Variants in FANCE observed in about 807,000 individuals in gnomAD.
FANCE encodes the protein Fanconi anemia group E protein.
Under a neutral mutation model 57.8 loss-of-function variants are expected in FANCE, and 42 were observed. The observed-to-expected ratio is 0.73, with a 90% CI of 0.57 to 0.94. The LOEUF (loss-of-function observed/expected upper bound fraction) is 0.94. Among genes scored for constraint, FANCE ranks in the 40% least tolerant of loss-of-function variants. The pLI is 0.00. For synonymous variants in FANCE, 251 were observed against 286.4 expected (o/e 0.88, Z 1.25); for missense variants, 608 against 661.8 (o/e 0.92, Z 0.89).
chr6:35,460,676 C>T (rs1767555697), intron 8 of FANCE, 58 bp downstream of exon 8: 1 of 1,521,584 alleles, frequency 6.6e-7, no homozygotes, highest in African/African-American at 1.4e-5. Flanking sequence ...CTTGGAAGCA[C>T]ACGGGGTTCC....
rs6457823 is a variant in FANCE at position 35,459,779 on chromosome 6, G to A, written c.1316+19G>A. On this transcript the variant is annotated intron_variant, in intron 7 of 9. Coordinates refer to ENST00000229769, the MANE Select transcript of FANCE (RefSeq NM_021922.3). Reference sequence around the variant, plus strand: ...TGCTGGGGTGAGTGTGCAGGCCTCCGTGCTGTCCCCACTGCCACCTGTTCC... The same window carrying A: ...TGCTGGGGTGAGTGTGCAGGCCTCCATGCTGTCCCCACTGCCACCTGTTCC... 0.075 allele frequency: 120,222 copies of A among 1,609,688 alleles called. 8,800 individuals carry two copies. The highest frequency in any genetic ancestry group is 0.37 in the African/African-American group (27,450 of 74,774).
At chr6:35,459,539 T>TTGGG in intron 6 of FANCE, 85 bp downstream of exon 6, 1 of 1,606,468 alleles carries the variant, frequency 6.2e-7, no homozygotes, top group Admixed American at 1.7e-5. Context: ...CTGGCAGGAG[T>TTGGG]TGGGTATTCA....
At position 35,452,593 on chromosome 6, in the gene FANCE, G is replaced by A. The variant is rs1767149602; in HGVS notation, c.48G>A (p.Pro16=). The A allele has an allele frequency of 7.6e-7, 1 of 1,321,138 alleles. No homozygotes were observed. Among genetic ancestry groups the A allele is most frequent in the African/African-American group, 1.5e-5 (1 of 66,014 alleles). 81.8% of individuals were successfully genotyped at this position (1,321,138 alleles called of 1,614,324 possible). Residue 16 remains proline, a synonymous_variant, in exon 1 of 10, where the codon CCG becomes CCA. Transcript: ENST00000229769. ...TCCCTGGGGCTGAGGGCGTGGAGCC[G>A]GCGCCCTGGGCGCAGCTGGAGGCCC... is the stretch of plus-strand genomic sequence containing the variant. ...AGLPGAEGVE[P]APWAQLEAPA...
chr6:35,455,632 A>T, intron 1 of FANCE, 115 bp from the exon 2 acceptor site: 1 of 1,272,542 alleles, frequency 7.9e-7, no homozygotes. Context: ...ACTCTTGCAG[A>T]TACTGCGTGC....
intron 5 of FANCE, among the ~76,000 whole-genome samples, 175 bp downstream of exon 5, chr6:35,458,615 G>C (rs1767450854): frequency 6.6e-6 from 1 of 151,676 alleles, no homozygotes; most frequent in Non-Finnish European, 1.5e-5. Context: ...GGACCCCCAG[G>C]CCATCTACCC....
chr6:35,458,443 A>T lies in FANCE; in HGVS notation c.1113+3A>T, dbSNP rs1252494553. 1 of 1,613,870 alleles carries T rather than the reference A, an allele frequency of 6.2e-7. No homozygotes were observed. The highest frequency in any genetic ancestry group is 1.3e-5 in the African/African-American group (1 of 74,882). On this transcript the variant is annotated splice_donor_region_variant and intron_variant, in intron 5 of 9. Coordinates refer to ENST00000229769, the MANE Select transcript of FANCE (RefSeq NM_021922.3). ...CCAGAAGCCTCTTTCTTGGACGGGT[A>T]GGTGTATTGGGAGGTACTCAGAGTG...
chr6:35,458,693 G>C (rs1767459010), intron 5 of FANCE, among the ~76,000 whole-genome samples: 1 of 151,432 alleles, frequency 6.6e-6, no homozygotes, highest in Admixed American at 6.6e-5. Context: ...AGGCTGGAGT[G>C]CAGCAGTGGC....
chr6:35,456,015 C>CT lies in FANCE; in HGVS notation c.518dup (p.Arg176GlnfsTer12). On this transcript the variant is annotated frameshift_variant, in exon 2 of 10. Coordinates refer to ENST00000229769, the MANE Select transcript of FANCE (RefSeq NM_021922.3). LOFTEE classifies it high-confidence loss of function. This position sits in a 1 kb window ranked among gnomAD's most constrained non-coding sequence, Gnocchi z 4.3. ...CCAAAGTCTATGTAGGGGGCTGGGC[C>CT]TGGGGGGCAGGAGGTTGAAATCCCC... 6.2e-7 allele frequency: 1 copy of CT among 1,612,936 alleles called. No individual in the cohort carries two copies. Among genetic ancestry groups the CT allele is most frequent in the Non-Finnish European group, 8.5e-7 (1 of 1,179,660 alleles).
At chr6:35,461,230 A>G (rs1354285122) in intron 8 of FANCE, among the ~76,000 whole-genome samples, 1 of 152,196 alleles carries the variant, frequency 6.6e-6, no homozygotes, top group East Asian at 1.9e-4. Context: ...GGGTTTCACC[A>G]TGACTTGAGG....
At chr6:35,462,575 TG>T (rs1466174997) in intron 8 of FANCE, among the ~76,000 whole-genome samples, 1 of 152,200 alleles carries the variant, frequency 6.6e-6, no homozygotes. Context: ...GTGTGTCTTA[TG>T]TGCATTATCT....
chr6:35,455,871 C>G lies in FANCE; in HGVS notation c.373C>G (p.Leu125Val), dbSNP rs772594350. 1.2e-6 allele frequency: 2 copies of G among 1,614,214 alleles called. No homozygotes were observed. The highest frequency in any genetic ancestry group is 3.3e-5 in the Admixed American group (2 of 60,028). Residue 125 changes from leucine (L) to valine (V), a missense_variant, in exon 2 of 10, where the codon CTA (leucine) becomes GTA (valine). Transcript: ENST00000229769. Reference sequence around the variant, plus strand: ...TGTGCTGCAGATTGCCCAGCAGGACCTAGCCCCTGACCCAGATGCCTGGCT... The same window carrying G: ...TGTGCTGCAGATTGCCCAGCAGGACGTAGCCCCTGACCCAGATGCCTGGCT... ...LSVLQIAQQD[L>V]APDPDAWLRA...
At chr6:35,453,408 A>G (rs550481083) in intron 1 of FANCE, among the ~76,000 whole-genome samples, 1 of 151,736 alleles carries the variant, frequency 6.6e-6, no homozygotes, top group Non-Finnish European at 1.5e-5. Flanking sequence ...TGTTATTGAT[A>G]TTATCTCCAA....
At chr6:35,454,563 G>A (rs1351517853) in intron 1 of FANCE, among the ~76,000 whole-genome samples, 1 of 152,138 alleles carries the variant, frequency 6.6e-6, no homozygotes, top group Non-Finnish European at 1.5e-5. Flanking sequence ...GCCACACCAC[G>A]CCTCAGGTCA....
intron 6 of FANCE, 109 bp downstream of exon 6, chr6:35,459,563 C>A: frequency 6.3e-7 from 1 of 1,581,348 alleles, no homozygotes; most frequent in Non-Finnish European, 8.7e-7. Context: ...ATTAAAGATG[C>A]CTGCTGCTTC....
At chr6:35,457,712 G>T in intron 3 of FANCE, 112 bp downstream of exon 3, 1 of 1,285,752 alleles carries the variant, frequency 7.8e-7, no homozygotes. Context: ...GGGGGAGGGG[G>T]ACTGGAGTAA....
chr6:35,462,974 CA>C, intron 9 of FANCE, 60 bp downstream of exon 9: 1 of 1,608,960 alleles, frequency 6.2e-7, no homozygotes. Context: ...GGGCCTGCCA[CA>C]AGGGTGTATG....
intron 7 of FANCE, 32 bp from the exon 8 acceptor site, chr6:35,460,520 A>C (rs754619352): frequency 1.2e-6 from 2 of 1,606,430 alleles, no homozygotes; most frequent in East Asian, 4.5e-5. Context: ...GTGGGAGGCC[A>C]GGCATTTTTC....
intron 6 of FANCE, 95 bp downstream of exon 6, chr6:35,459,549 A>C: frequency 6.3e-7 from 1 of 1,597,910 alleles, no homozygotes; most frequent in Non-Finnish European, 8.6e-7. Context: ...TTGGGTATTC[A>C]GTGATTAAAG....
At position 35,458,302 on chromosome 6, in the gene FANCE, C is replaced by T; in HGVS notation, c.975C>T (p.Asp325=). ...LLHECSPSQM[D]LLCAQLQLPQ... is the part of the protein sequence containing the mutation. ...CCCCCGCACTCTGTAAGCAGATGGACTTGCTGTGTGCCCAGCTGCAGCTCC... is the reference window on the plus strand; with the variant it reads ...CCCCCGCACTCTGTAAGCAGATGGATTTGCTGTGTGCCCAGCTGCAGCTCC... The change falls in exon 5 of 10, where the codon GAC becomes GAT. Residue 325 remains aspartate, a synonymous_variant. Transcript: ENST00000229769. The T allele has an allele frequency of 6.2e-7, 1 of 1,613,932 alleles. No individual in the cohort carries two copies. Among genetic ancestry groups the T allele is most frequent in the East Asian group, 2.2e-5 (1 of 44,894 alleles).
Sources: gnomAD v4.1 joint callset for allele counts (sites outside exome capture counted in the v4.1 genomes callset) on GRCh38, gnomAD v4.1.1 for gene constraint, Gnocchi (gnomAD v3.1) non-coding constraint, MANE v1.5 for transcripts, NCBI Gene and HGNC (gene_info 2026-07-23, HGNC 2026-07-21) for gene names.